Variants in FAR2 observed in about 807,000 individuals in gnomAD.
FAR2 encodes epididymis secretory protein Li 81.
FAR2 carries 19 observed loss-of-function variants against 56.0 expected under a neutral mutation model. The ratio of observed to expected loss-of-function variants is 0.34; its 90% confidence interval spans 0.24 to 0.50. The LOEUF (loss-of-function observed/expected upper bound fraction) is 0.50. FAR2 is among the 20% of genes least tolerant of loss of function. The probability of loss-of-function intolerance (pLI) is 0.98; values close to 1 mark genes in which losing one functional copy is unlikely to be tolerated. For missense variants in FAR2, 508 were observed against 642.2 expected (o/e 0.79, Z 2.26); for synonymous variants, 219 against 218.8 (o/e 1.00, Z -0.01).
intron 2 of FAR2, among the ~76,000 whole-genome samples, chr12:29,289,521 C>T (rs1453356635): frequency 1.3e-5 from 2 of 152,186 alleles, no homozygotes; most frequent in Non-Finnish European, 2.9e-5. Flanking sequence ...CTATCTCTCT[C>T]CATATACAAA....
intron 1 of FAR2, among the ~76,000 whole-genome samples, chr12:29,219,426 AC>A (rs1947659743): frequency 6.6e-6 from 1 of 152,170 alleles, no homozygotes; most frequent in African/African-American, 2.4e-5. Context: ...TTTTCCTCAT[AC>A]TTTTACATAA....
intron 1 of FAR2, among the ~76,000 whole-genome samples, chr12:29,246,082 A>AT (rs1174607952): frequency 6.6e-6 from 1 of 151,604 alleles, no homozygotes; most frequent in African/African-American, 2.4e-5. Context: ...ATAGTTTTAT[A>AT]TTTTTTTAAT....
At chr12:29,156,526 A>G (rs1949728679) in intron 1 of FAR2, 1 of 152,216 alleles carries the variant, frequency 6.6e-6, no homozygotes, top group Non-Finnish European at 1.5e-5. Flanking sequence ...TACGGCATCC[A>G]GAGGTAAGGG....
intron 4 of FAR2, among the ~76,000 whole-genome samples, chr12:29,305,314 T>C (rs1182690487): frequency 2.0e-5 from 3 of 151,924 alleles, no homozygotes; most frequent in Admixed American, 6.6e-5. Flanking sequence ...TTTTACATTT[T>C]TTTTGTAGAG....
At chr12:29,181,016 T>G (rs181044827) in intron 1 of FAR2, among the ~76,000 whole-genome samples, 307 of 152,296 alleles carry the variant, frequency 2.0e-3, no homozygotes, top group Admixed American at 3.5e-3. Flanking sequence ...ATATGTTGTA[T>G]CTAGTTTTAT....
At chr12:29,323,591 A>T (rs561879380) in intron 10 of FAR2, among the ~76,000 whole-genome samples, 1 of 152,316 alleles carries the variant, frequency 6.6e-6, no homozygotes, top group East Asian at 1.9e-4. Flanking sequence ...CGGTTCACCA[A>T]TATCCGCTGT....
intron 1 of FAR2, among the ~76,000 whole-genome samples, chr12:29,248,849 G>T (rs915400170): frequency 6.6e-6 from 1 of 152,198 alleles, no homozygotes; most frequent in Non-Finnish European, 1.5e-5. Context: ...AAAGAATTCA[G>T]CAATATTTCT....
chr12:29,251,574 T>C (rs1335250029), intron 1 of FAR2, among the ~76,000 whole-genome samples: 1 of 152,170 alleles, frequency 6.6e-6, no homozygotes. Flanking sequence ...CTGTGGTCTT[T>C]TCTCTAGTTC....
intron 2 of FAR2, chr12:29,281,340 A>G (rs1020940968): frequency 5.9e-5 from 9 of 152,224 alleles, no homozygotes; most frequent in African/African-American, 1.9e-4. Context: ...GCGAGTATTG[A>G]GAAGCTTCCT....
chr12:29,153,192 T>C lies in FAR2; in HGVS notation c.-39+3785T>C, dbSNP rs371082645. Among the ~76,000 whole-genome samples the C allele has an allele frequency of 7.6e-4, 116 of 152,242 alleles. 1 individual carries two copies. The highest frequency in any genetic ancestry group is 2.7e-3 in the African/African-American group (114 of 41,548). The stretch of plus-strand genomic sequence containing the variant: ...TACAAAATAAACATGTAGGAATACA[T>C]TGTGGGAAGTAGCGTGGAGAAGAAC... On this transcript the variant is annotated intron_variant, in intron 1 of 11. Transcript: ENST00000536681.
chr12:29,262,003 T>C (rs2136694137), intron 1 of FAR2, among the ~76,000 whole-genome samples: 1 of 152,300 alleles, frequency 6.6e-6, no homozygotes, highest in Non-Finnish European at 1.5e-5. Flanking sequence ...TGGTAATAAG[T>C]ACACAAACAC....
intron 1 of FAR2, among the ~76,000 whole-genome samples, chr12:29,251,647 A>G (rs555104452): frequency 6.6e-6 from 1 of 152,298 alleles, no homozygotes; most frequent in South Asian, 2.1e-4. Context: ...TAGTTCCCTG[A>G]CTTGTGGAGT....
chr12:29,178,413 G>A (rs1452315964), intron 1 of FAR2, among the ~76,000 whole-genome samples: 2 of 152,132 alleles, frequency 1.3e-5, no homozygotes, highest in Admixed American at 6.5e-5. Context: ...GGGTAACATG[G>A]CCAAGCCCCA....
In FAR2 at chr12:29,270,641, A is replaced by G. The variant is rs200048070; in HGVS notation, c.189+3A>G. 2 of 1,606,776 alleles carry G rather than the reference A, an allele frequency of 1.2e-6. No homozygotes were observed. The highest frequency in any genetic ancestry group is 1.3e-5 in the African/African-American group (1 of 74,868). On this transcript the variant is annotated splice_donor_region_variant and intron_variant, in intron 2 of 11. Transcript: ENST00000536681. ...TTTTCCAGATCCTAGACAGTAAGGTATGCCTTATAGGAAAGCGTGTGTGAT... is the reference window on the plus strand; with the variant it reads ...TTTTCCAGATCCTAGACAGTAAGGTGTGCCTTATAGGAAAGCGTGTGTGAT...
At chr12:29,245,786 G>A (rs1033554413) in intron 1 of FAR2, among the ~76,000 whole-genome samples, 2 of 152,002 alleles carry the variant, frequency 1.3e-5, no homozygotes, top group Non-Finnish European at 2.9e-5. Context: ...TTCCTCCCAG[G>A]AACTAATTTC....
chr12:29,209,692 C>CTCTCTGTG (rs1555109039), intron 1 of FAR2, among the ~76,000 whole-genome samples: 1 of 149,082 alleles, frequency 6.7e-6, no homozygotes, highest in Non-Finnish European at 1.5e-5. Flanking sequence ...GATGTCTGCT[C>CTCTCTGTG]TGTGTGTGTG....
At chr12:29,216,876 C>G (rs1469288371) in intron 1 of FAR2, among the ~76,000 whole-genome samples, 3 of 152,164 alleles carry the variant, frequency 2.0e-5, no homozygotes, top group Non-Finnish European at 4.4e-5. Flanking sequence ...CTACAAAGCA[C>G]TTTGGTGTAC....
chr12:29,175,030 C>A (rs574330391), intron 1 of FAR2, among the ~76,000 whole-genome samples: 2 of 152,298 alleles, frequency 1.3e-5, no homozygotes, highest in South Asian at 4.1e-4. Context: ...TGTTAGAGAG[C>A]CCTTTCCCAG....
intron 1 of FAR2, among the ~76,000 whole-genome samples, chr12:29,269,709 T>G (rs1591912925): frequency 1.3e-5 from 2 of 152,364 alleles, no homozygotes; most frequent in African/African-American, 4.8e-5. Flanking sequence ...ATCCACGTTC[T>G]TCTGCCATGG....
Sources: gnomAD v4.1 joint callset for allele counts (sites outside exome capture counted in the v4.1 genomes callset) on GRCh38, gnomAD v4.1.1 for gene constraint, MANE v1.5 for transcripts, NCBI Gene and HGNC (gene_info 2026-07-23, HGNC 2026-07-21) for gene names.